HS3ST3A1: variants seen among roughly 807,000 people sequenced by gnomAD.
HS3ST3A1 encodes the protein heparan sulfate-glucosamine 3-sulfotransferase 3A1.
Under a neutral mutation model 25.7 loss-of-function variants are expected in HS3ST3A1, and 19 were observed. The ratio of observed to expected loss-of-function variants is 0.74; its 90% confidence interval spans 0.52 to 1.08. The LOEUF is 1.08. HS3ST3A1 is among the 50% of genes least tolerant of loss of function. The pLI, the probability that HS3ST3A1 is intolerant of heterozygous loss-of-function variation, is 0.00. For synonymous variants in HS3ST3A1, 226 were observed against 278.6 expected (o/e 0.81, Z 1.88); for missense variants, 459 against 594.3 (o/e 0.77, Z 2.37).
intron 1 of HS3ST3A1, among the ~76,000 whole-genome samples, chr17:13,532,909 ACACAC>A: frequency 1.9e-5 from 1 of 53,084 alleles, no homozygotes; most frequent in East Asian, 4.3e-4. Context: ...GTTTATATAC[ACACAC>A]ACACACACAC....
rs1209838923 is a variant in HS3ST3A1 at position 13,585,852 on chromosome 17, T to G, written c.599+14679A>C. On this transcript the variant is annotated intron_variant, in intron 1 of 1. Coordinates refer to ENST00000284110, the MANE Select transcript of HS3ST3A1 (RefSeq NM_006042.3). ...TTCCTCCTTCTGCGTTTTTTTTTTT[T>G]TTTTTTTTTTTTTTTCTGACAGAGT... is the stretch of plus-strand genomic sequence containing the variant. 7.9e-5 allele frequency among the ~76,000 whole-genome samples: 11 copies of G among 138,554 alleles called. 1 individual carries two copies. The highest frequency in any genetic ancestry group is 1.4e-4 in the Admixed American group (2 of 13,894). The allele number at this position is 138,554 out of a possible 152,430, so 90.9% of individuals were successfully genotyped here.
chr17:13,576,966 T>G (rs1390402235), intron 1 of HS3ST3A1, among the ~76,000 whole-genome samples: 1 of 152,216 alleles, frequency 6.6e-6, no homozygotes, highest in Non-Finnish European at 1.5e-5. Flanking sequence ...GGAAAGAGAT[T>G]TAATGGACTT....
chr17:13,541,097 C>T (rs2142344197), intron 1 of HS3ST3A1, among the ~76,000 whole-genome samples: 1 of 152,304 alleles, frequency 6.6e-6, no homozygotes, highest in Non-Finnish European at 1.5e-5. Context: ...CCCCACATAT[C>T]CCCAAAGGCC....
At chr17:13,513,230 G>A (rs1251555484) in intron 1 of HS3ST3A1, among the ~76,000 whole-genome samples, 2 of 152,114 alleles carry the variant, frequency 1.3e-5, no homozygotes, top group East Asian at 1.9e-4. Flanking sequence ...CACTTCACGC[G>A]GACTAGGTGG....
intron 1 of HS3ST3A1, among the ~76,000 whole-genome samples, chr17:13,524,436 T>C (rs531619917): frequency 9.2e-5 from 14 of 152,136 alleles, no homozygotes; most frequent in Non-Finnish European, 1.6e-4. Flanking sequence ...TTTTGTTTTT[T>C]TTGTAGATAT....
At chr17:13,498,622 A>C (rs370045242) in intron 1 of HS3ST3A1, among the ~76,000 whole-genome samples, 68 of 152,332 alleles carry the variant, frequency 4.5e-4, no homozygotes, top group Admixed American at 1.2e-3. Context: ...AGAAGGAAGG[A>C]AGGCATGTGC....
chr17:13,566,013 T>G (rs1907666123), intron 1 of HS3ST3A1, among the ~76,000 whole-genome samples: 1 of 152,202 alleles, frequency 6.6e-6, no homozygotes, highest in African/African-American at 2.4e-5. Flanking sequence ...GTTCAGTAAG[T>G]TTATCATTTA....
intron 1 of HS3ST3A1, among the ~76,000 whole-genome samples, chr17:13,510,060 C>T (rs374308942): frequency 3.8e-4 from 58 of 152,308 alleles, no homozygotes; most frequent in Admixed American, 1.2e-3. Flanking sequence ...ACTGGCTTTT[C>T]TTCAGCCTAC....
chr17:13,598,116 AGTGT>A (rs2094245690), intron 1 of HS3ST3A1, among the ~76,000 whole-genome samples: 1 of 147,276 alleles, frequency 6.8e-6, no homozygotes, highest in Non-Finnish European at 1.5e-5. Context: ...TGTCTGTGAT[AGTGT>A]GGTCATAAGT....
chr17:13,495,944 G>A lies in HS3ST3A1; in HGVS notation c.*253C>T, dbSNP rs1663814905. ...CAACTGATGCTTATACTTTATGACT[G>A]GGTATATAGAACATAAAATAAAAAC... On this transcript the variant is annotated 3_prime_UTR_variant, in exon 2 of 2. Transcript: ENST00000284110. The A allele has an allele frequency of 2.6e-6, 1 of 380,652 alleles. No individual in the cohort carries two copies. The highest frequency in any genetic ancestry group is 4.6e-6 in the Non-Finnish European group (1 of 218,834). 23.6% of individuals were successfully genotyped at this position (380,652 alleles called of 1,614,324 possible). A position where few individuals can be genotyped will look rare whatever the true frequency, so the allele number is the denominator to read the frequency against.
chr17:13,597,724 T>A (rs997884955), intron 1 of HS3ST3A1, among the ~76,000 whole-genome samples: 1 of 152,240 alleles, frequency 6.6e-6, no homozygotes, highest in Non-Finnish European at 1.5e-5. Context: ...TCTTTATCTT[T>A]ACTACAAATG....
chr17:13,576,944 G>A (rs1330981501), intron 1 of HS3ST3A1, among the ~76,000 whole-genome samples: 1 of 152,212 alleles, frequency 6.6e-6, no homozygotes, highest in Non-Finnish European at 1.5e-5. Context: ...CTGAGACTGG[G>A]TAATTTATAA....
chr17:13,545,519 T>A (rs545929318), intron 1 of HS3ST3A1, among the ~76,000 whole-genome samples: 54 of 152,318 alleles, frequency 3.5e-4, no homozygotes, highest in Middle Eastern at 6.8e-3. Flanking sequence ...GGTTTGTGTA[T>A]CTTTTGTTAC....
intron 1 of HS3ST3A1, among the ~76,000 whole-genome samples, chr17:13,530,468 A>C (rs1906571234): frequency 6.6e-6 from 1 of 152,200 alleles, no homozygotes; most frequent in African/African-American, 2.4e-5. Context: ...GTACCAAGTT[A>C]GCCAGATGAT....
intron 1 of HS3ST3A1, among the ~76,000 whole-genome samples, chr17:13,546,818 G>A (rs538032336): frequency 2.0e-5 from 3 of 152,126 alleles, no homozygotes; most frequent in Non-Finnish European, 4.4e-5. Context: ...ATAAATATTT[G>A]TTGAATAAAT....
chr17:13,569,251 CTT>C (rs1907745427), intron 1 of HS3ST3A1, among the ~76,000 whole-genome samples: 1 of 152,186 alleles, frequency 6.6e-6, no homozygotes, highest in South Asian at 2.1e-4. Context: ...TTACTTTGAA[CTT>C]TGGCTGGATA....
At chr17:13,498,241 T>A (rs185259112) in intron 1 of HS3ST3A1, among the ~76,000 whole-genome samples, 9 of 152,328 alleles carry the variant, frequency 5.9e-5, no homozygotes, top group Admixed American at 5.9e-4. Flanking sequence ...TCTTGGGCAA[T>A]CTGATGGCCC....
intron 1 of HS3ST3A1, among the ~76,000 whole-genome samples, chr17:13,587,386 A>G (rs942989907): frequency 1.1e-4 from 16 of 152,242 alleles, no homozygotes; most frequent in Non-Finnish European, 1.0e-4. Flanking sequence ...CCCAAGAGGC[A>G]GAGGTTGCAA....
chr17:13,584,351 A>G (rs1205977330), intron 1 of HS3ST3A1, among the ~76,000 whole-genome samples: 1 of 151,898 alleles, frequency 6.6e-6, no homozygotes, highest in African/African-American at 2.4e-5. Flanking sequence ...CAGTTGCTAC[A>G]TGGCTACGTG....
Sources: gnomAD v4.1 joint callset for allele counts (sites outside exome capture counted in the v4.1 genomes callset) on GRCh38, gnomAD v4.1.1 for gene constraint, MANE v1.5 for transcripts, NCBI Gene and HGNC (gene_info 2026-07-23, HGNC 2026-07-21) for gene names.